CCDC175: variants seen among roughly 807,000 people sequenced by gnomAD.
CCDC175 encodes coiled-coil domain containing 175.
A neutral mutation model predicts 114.6 loss-of-function variants in CCDC175; 100 were observed. That is an observed-to-expected ratio of 0.87 (90% confidence interval 0.74 to 1.03). The LOEUF (loss-of-function observed/expected upper bound fraction) is 1.03, where lower values mean the gene tolerates loss of function less well. Ranked by LOEUF, CCDC175 falls within the 50% of genes least tolerant of loss-of-function variation. The pLI, the probability that CCDC175 is intolerant of heterozygous loss-of-function variation, is 0.00. For synonymous variants in CCDC175, 306 were observed against 308.7 expected, an observed-to-expected ratio of 0.99 and a Z score of 0.09; for missense variants, 880 against 917.8, an observed-to-expected ratio of 0.96 and a Z score of 0.53.
chr14:59,551,024 G>A (rs138016966), intron 8 of CCDC175: 80 of 167,020 alleles, frequency 4.8e-4, no homozygotes, highest in African/African-American at 1.5e-3. Flanking sequence ...CTTCACAGGC[G>A]TAGCACACAA....
At position 59,565,272 on chromosome 14, in the gene CCDC175, C is replaced by T; in HGVS notation, c.495G>A (p.Glu165=). 6.5e-7 allele frequency: 1 copy of T among 1,535,968 alleles called. No homozygotes were observed. Among genetic ancestry groups the T allele is most frequent in the African/African-American group, 1.4e-5 (1 of 72,968 alleles). ...GCTTCCTTGCTAGCTCTTCCTGCTT[C>T]TCCCTGGGAGGAAAGAATTGCTCAC... The part of the protein sequence containing the change: ...DLTKYNEALG[E]KQEELARKHA... The change falls in exon 5 of 20, where the codon GAG becomes GAA. Residue 165 remains glutamate (E), a synonymous_variant. Transcript: ENST00000537690.
chr14:59,529,112 G>T (rs999833648), intron 14 of CCDC175, among the ~76,000 whole-genome samples: 4 of 152,122 alleles, frequency 2.6e-5, no homozygotes, highest in African/African-American at 9.7e-5. Flanking sequence ...CCATTTGAGG[G>T]GACCATCGAA....
intron 14 of CCDC175, among the ~76,000 whole-genome samples, chr14:59,530,460 AG>A (rs1354859691): frequency 1.2e-5 from 1 of 85,184 alleles, no homozygotes; most frequent in African/African-American, 4.6e-5. Flanking sequence ...AGGGGAGAGG[AG>A]GGGAGGGGAG....
At chr14:59,561,546 T>C (rs1223012998) in intron 6 of CCDC175, among the ~76,000 whole-genome samples, 3 of 152,178 alleles carry the variant, frequency 2.0e-5, no homozygotes, top group Non-Finnish European at 4.4e-5. Context: ...AACAAATCCA[T>C]AGTGTCACAA....
chr14:59,543,274 C>A, intron 10 of CCDC175, 70 bp downstream of exon 10: 1 of 563,934 alleles, frequency 1.8e-6, no homozygotes, highest in South Asian at 3.0e-5. Context: ...CATAGATTTA[C>A]TGCTATCATT....
intron 19 of CCDC175, among the ~76,000 whole-genome samples, chr14:59,505,782 C>T (rs1275036178): frequency 6.6e-6 from 1 of 152,200 alleles, no homozygotes. Context: ...TAGCACATCA[C>T]AATCCTTATC....
intron 9 of CCDC175, among the ~76,000 whole-genome samples, chr14:59,544,542 A>G (rs111745772): frequency 0.041 from 6,261 of 152,202 alleles, 168 homozygotes; most frequent in Non-Finnish European, 0.06. Flanking sequence ...CATCTCCAGA[A>G]TTTATCTGTT....
intron 17 of CCDC175, 39 bp from the exon 18 acceptor site, chr14:59,511,842 C>T: frequency 2.3e-6 from 3 of 1,329,854 alleles, no homozygotes; most frequent in Non-Finnish European, 2.1e-6. Flanking sequence ...GTTACTGACA[C>T]AATCTGAACA....
rs551478419 is a variant in CCDC175, at chr14:59,514,867, G to A, written c.2099-3064C>T. 5.9e-5 allele frequency among the ~76,000 whole-genome samples: 9 copies of A among 152,278 alleles called. No homozygotes were observed. In the South Asian group the frequency reaches 1.7e-3, roughly 28 times the overall value. The stretch of plus-strand genomic sequence containing the variant: ...GCAACTCCAAGACACATAATTGTCA[G>A]ATTCACCAAAGTTGAAATGAAGGAA... On this transcript the variant is annotated intron_variant, in intron 17 of 19. Transcript: ENST00000537690.
intron 3 of CCDC175, among the ~76,000 whole-genome samples, chr14:59,571,148 T>TAA (rs35713404): frequency 7.8e-6 from 1 of 128,378 alleles, no homozygotes. Flanking sequence ...GAAATTTACC[T>TAA]AAAAAAAAAA....
At chr14:59,520,934 T>C (rs943857839) in intron 17 of CCDC175, among the ~76,000 whole-genome samples, 1 of 152,246 alleles carries the variant, frequency 6.6e-6, no homozygotes, top group Non-Finnish European at 1.5e-5. Flanking sequence ...GCATGTACAT[T>C]TGTCAAATTC....
chr14:59,550,213 G>A (rs1478529313), intron 8 of CCDC175, among the ~76,000 whole-genome samples: 1 of 152,098 alleles, frequency 6.6e-6, no homozygotes, highest in African/African-American at 2.4e-5. Context: ...CTAGCCTACT[G>A]TTTTATAATA....
chr14:59,516,352 A>C (rs6573263), intron 17 of CCDC175, among the ~76,000 whole-genome samples: 65,146 of 151,964 alleles, frequency 0.43, 14,454 homozygotes, highest in African/African-American at 0.53. Flanking sequence ...ACTCAAAAAA[A>C]CCTTCAAAAA....
At chr14:59,530,559 C>A (rs1894010709) in intron 14 of CCDC175, among the ~76,000 whole-genome samples, 1 of 151,808 alleles carries the variant, frequency 6.6e-6, no homozygotes. Flanking sequence ...CCAAGAAAAC[C>A]TACTTAAGTT....
At position 59,568,464 on chromosome 14, in the gene CCDC175, T is replaced by A. The variant is rs868289032; in HGVS notation, c.356-84A>T. 9 of 1,072,762 alleles carry A rather than the reference T, an allele frequency of 8.4e-6. No individual in the cohort carries two copies. In the Middle Eastern group the frequency reaches 1.2e-3, roughly 137 times the overall value. The allele number at this position is 1,072,762 out of a possible 1,614,324, so 66.5% of individuals were successfully genotyped here. On this transcript the variant is annotated intron_variant, in intron 3 of 19. Coordinates refer to ENST00000537690, the MANE Select transcript of CCDC175 (RefSeq NM_001164399.2). ...TGACTTTCACGCAAAAAAGCTTTCT[T>A]TGAAATATTCTTTTAATAATGTTTT...
chr14:59,562,649 C>T (rs942903228), intron 6 of CCDC175, among the ~76,000 whole-genome samples: 3 of 152,022 alleles, frequency 2.0e-5, no homozygotes, highest in Non-Finnish European at 4.4e-5. Flanking sequence ...TTACTCCTGC[C>T]GCCTTCAAAA....
intron 17 of CCDC175, among the ~76,000 whole-genome samples, chr14:59,513,299 G>C (rs934792256): frequency 6.6e-6 from 1 of 152,142 alleles, no homozygotes; most frequent in Non-Finnish European, 1.5e-5. Flanking sequence ...CATCTCACTG[G>C]GGAGTGTCAG....
At chr14:59,574,878 C>T (rs574638358) in intron 2 of CCDC175, 65 bp downstream of exon 2, 16 of 850,228 alleles carry the variant, frequency 1.9e-5, no homozygotes, top group African/African-American at 6.9e-5. Context: ...AGAATTGGTG[C>T]GAAATGAAAG....
At chr14:59,552,776 C>T (rs1895609112) in intron 7 of CCDC175, among the ~76,000 whole-genome samples, 2 of 152,172 alleles carry the variant, frequency 1.3e-5, no homozygotes, top group African/African-American at 4.8e-5. Flanking sequence ...CTTAAATGAC[C>T]TCATGGAGCT....
Sources: allele counts gnomAD v4.1 joint callset (sites outside exome capture counted in the v4.1 genomes callset), GRCh38; gene constraint gnomAD v4.1.1; transcripts MANE v1.5; gene names NCBI Gene and HGNC (gene_info 2026-07-23, HGNC 2026-07-21).